AOPEP: variants seen among roughly 807,000 people sequenced by gnomAD.
AOPEP encodes the protein aminopeptidase O (putative).
Under a neutral mutation model 98.1 loss-of-function variants are expected in AOPEP, and 77 were observed. The ratio of observed to expected loss-of-function variants is 0.78; its 90% CI spans 0.65 to 0.95. AOPEP has a LOEUF of 0.95. Among genes scored for constraint, AOPEP ranks in the 40% least tolerant of loss-of-function variants. The pLI, the probability that AOPEP is intolerant of heterozygous loss-of-function variation, is 0.00. For synonymous variants in AOPEP, 346 were observed against 365.3 expected, an observed-to-expected ratio of 0.95 and a Z score of 0.60; for missense variants, 1,024 against 1,024.7, an observed-to-expected ratio of 1.00 and a Z score of 0.01.
At chr9:94,761,240 GA>G (rs1204002393) in intron 2 of AOPEP, among the ~76,000 whole-genome samples, 1 of 152,244 alleles carries the variant, frequency 6.6e-6, no homozygotes, top group African/African-American at 2.4e-5. Context: ...CGTTCGAGGA[GA>G]AGGAATTGAT....
chr9:94,847,152 A>ACACACACACACACACTCT (rs1448564968), intron 5 of AOPEP, among the ~76,000 whole-genome samples: 1 of 140,476 alleles, frequency 7.1e-6, no homozygotes, highest in Admixed American at 7.1e-5. Context: ...ACACACACAC[A>ACACACACACACACACTCT]CTCTCTCTGT....
At chr9:95,109,611 C>G in the AOPEP span, 1 of 152,182 alleles carries the variant, frequency 6.6e-6, no homozygotes, top group Admixed American at 6.5e-5. Context: ...GTGGGACAGG[C>G]CTTCTCACAG....
intron 1 of AOPEP, among the ~76,000 whole-genome samples, chr9:94,743,651 A>C (rs1443875823): frequency 6.6e-6 from 1 of 152,196 alleles, no homozygotes; most frequent in African/African-American, 2.4e-5. Context: ...AAGATGGGAA[A>C]ATCAATGAGG....
chr9:95,100,907 G>A, the AOPEP span: 1 of 232,880 alleles, frequency 4.3e-6, no homozygotes, highest in East Asian at 6.0e-5. Flanking sequence ...TGGGATCACA[G>A]GTGTGAGCCA....
chr9:95,043,245 TACAG>T (rs2065500309), intron 13 of AOPEP, among the ~76,000 whole-genome samples: 3 of 147,032 alleles, frequency 2.0e-5, no homozygotes, highest in Non-Finnish European at 3.0e-5. Context: ...TACAGATATA[TACAG>T]ATATATATAT....
intron 13 of AOPEP, among the ~76,000 whole-genome samples, chr9:95,026,837 C>G (rs1036596757): frequency 6.6e-6 from 1 of 152,176 alleles, no homozygotes; most frequent in Non-Finnish European, 1.5e-5. Context: ...CCCAGTTTCT[C>G]CACATCTTTG....
At chr9:94,820,035 T>C (rs1852698237) in intron 5 of AOPEP, among the ~76,000 whole-genome samples, 1 of 148,012 alleles carries the variant, frequency 6.8e-6, no homozygotes, top group Non-Finnish European at 1.5e-5. Context: ...AACCTCTGTC[T>C]CCCGGGTTTA....
At position 94,955,198 on chromosome 9, in the gene AOPEP, C is replaced by G. The variant is rs985825629; in HGVS notation, c.1683C>G (p.Gly561=). 6.2e-7 allele frequency: 1 copy of G among 1,611,974 alleles called. No homozygotes were observed. Among genetic ancestry groups the G allele is most frequent in the African/African-American group, 1.3e-5 (1 of 74,842 alleles). The change falls in exon 8 of 17, where the codon GGC becomes GGG. Residue 561 remains glycine (G), a synonymous_variant. Coordinates refer to ENST00000375315, the MANE Select transcript of AOPEP (RefSeq NM_001193329.3). Reference sequence around the variant, plus strand: ...TTAGACCCAGTAAAGACAAAACTGGCCACACAAGTGACTCGGGAGCATCTG... The same window carrying G: ...TTAGACCCAGTAAAGACAAAACTGGGCACACAAGTGACTCGGGAGCATCTG... ...QVLRPSKDKT[G]HTSDSGASVI...
intron 4 of AOPEP, among the ~76,000 whole-genome samples, chr9:94,796,054 AC>A (rs1846856757): frequency 6.6e-6 from 1 of 152,194 alleles, no homozygotes; most frequent in Non-Finnish European, 1.5e-5. Flanking sequence ...TGTAGAGTCC[AC>A]CTGACACATG....
intron 5 of AOPEP, among the ~76,000 whole-genome samples, chr9:94,830,671 G>A (rs1855763401): frequency 2.6e-5 from 4 of 152,208 alleles, no homozygotes; most frequent in Admixed American, 2.0e-4. Context: ...CTCTCACCAA[G>A]TGTAAAAGCA....
chr9:95,058,087 T>A (rs1466074467), intron 13 of AOPEP, among the ~76,000 whole-genome samples: 1 of 152,264 alleles, frequency 6.6e-6, no homozygotes, highest in Non-Finnish European at 1.5e-5. Context: ...TTTGGTTCTG[T>A]TTCTGTGTAG....
chr9:94,916,533 G>C (rs1199819014), intron 5 of AOPEP, among the ~76,000 whole-genome samples: 1 of 151,786 alleles, frequency 6.6e-6, no homozygotes, highest in African/African-American at 2.4e-5. Context: ...TGAAACTCCC[G>C]TCTCTACTAA....
At chr9:94,837,366 C>A (rs1564226589) in intron 5 of AOPEP, among the ~76,000 whole-genome samples, 1 of 152,020 alleles carries the variant, frequency 6.6e-6, no homozygotes, top group Non-Finnish European at 1.5e-5. Flanking sequence ...CATTATTCCA[C>A]AATACAAAAA....
chr9:94,866,903 C>T (rs377270671), intron 5 of AOPEP, among the ~76,000 whole-genome samples: 9 of 152,144 alleles, frequency 5.9e-5, no homozygotes, highest in South Asian at 4.2e-4. Context: ...TTAATAGCAG[C>T]CTTATTTAAA....
chr9:94,941,280 C>T (rs1176546800), intron 7 of AOPEP, among the ~76,000 whole-genome samples: 1 of 152,232 alleles, frequency 6.6e-6, no homozygotes, highest in Non-Finnish European at 1.5e-5. Flanking sequence ...TCCGAGAGTT[C>T]CTACCTGATC....
chr9:94,963,493 A>G (rs2058989817), intron 9 of AOPEP, among the ~76,000 whole-genome samples: 2 of 152,182 alleles, frequency 1.3e-5, no homozygotes, highest in African/African-American at 2.4e-5. Flanking sequence ...AAAAAATTCT[A>G]AAGGAATGTA....
intron 16 of AOPEP, chr9:95,086,332 TTTGCCCCCATGTG>T (rs1403738281): frequency 1.0e-6 from 1 of 985,260 alleles, no homozygotes; most frequent in Non-Finnish European, 1.2e-6. Flanking sequence ...CAGGGGGCCG[TTTGCCCCCATGTG>T]TAAGGGAGGC....
rs370606451 is a variant in AOPEP, at chr9:95,076,369, A to C, written c.2233-4325A>C. ...GCACACAGATACCTCAGGGCACCGG[A>C]TGACCCACACCTTGTGTTTCATTGC... is the stretch of plus-strand genomic sequence containing the variant. On this transcript the variant is annotated intron_variant, in intron 14 of 16. Coordinates refer to ENST00000375315, the MANE Select transcript of AOPEP (RefSeq NM_001193329.3). 7.9e-4 allele frequency among the ~76,000 whole-genome samples: 120 copies of C among 152,304 alleles called. 1 individual carries two copies. The South Asian group carries it at 0.025, about 31-fold the overall frequency.
chr9:94,988,213 C>T (rs1352821991), intron 11 of AOPEP, among the ~76,000 whole-genome samples: 1 of 152,142 alleles, frequency 6.6e-6, no homozygotes, highest in East Asian at 1.9e-4. Flanking sequence ...ACGCCTATAT[C>T]CATGGGAATG....
Sources: gnomAD v4.1 joint callset for allele counts (sites outside exome capture counted in the v4.1 genomes callset) on GRCh38, gnomAD v4.1.1 for gene constraint, MANE v1.5 for transcripts, NCBI Gene and HGNC (gene_info 2026-07-23, HGNC 2026-07-21) for gene names.